The following P2RY2 variants were observed in gnomAD, a reference collection of about 807,000 sequenced individuals.
The protein encoded by P2RY2 is purinergic receptor P2Y2, also known as P2Y purinoceptor 2.
For missense variants in P2RY2, 567 were observed against 515.7 expected (o/e 1.10, Z -0.96); for synonymous variants, 241 against 231.9 (o/e 1.04, Z -0.35).
chr11:73,230,339 G>T (rs1264533822), intron 2 of P2RY2, among the ~76,000 whole-genome samples: 1 of 151,684 alleles, frequency 6.6e-6, no homozygotes, highest in Non-Finnish European at 1.5e-5. Context: ...CCCCTGCTTG[G>T]CTCTCAGTGT....
chr11:73,232,338 T>C (rs1461066206), intron 2 of P2RY2, among the ~76,000 whole-genome samples: 1 of 152,226 alleles, frequency 6.6e-6, no homozygotes, highest in Non-Finnish European at 1.5e-5. Context: ...TTACATGATC[T>C]GTATCTTAGC....
Position 73,240,683 on chromosome 11 carries a change from C to T in P2RY2, c.*5390C>T, listed in dbSNP as rs1348829545. ...GGCTCTTTGGCTGCTCCCACTGCCTCAGCCAACTTCATTAGCTCCAGTCTG... is the reference window on the plus strand; with the variant it reads ...GGCTCTTTGGCTGCTCCCACTGCCTTAGCCAACTTCATTAGCTCCAGTCTG... On this transcript the variant is annotated 3_prime_UTR_variant, in exon 3 of 3. Transcript: ENST00000393597. The T allele has an allele frequency of 6.6e-6, 1 of 152,224 alleles. No individual in the cohort carries two copies. Among genetic ancestry groups the T allele is most frequent in the Non-Finnish European group, 1.5e-5 (1 of 68,060 alleles). 9.4% of individuals were successfully genotyped at this position (152,224 alleles called of 1,614,324 possible).
chr11:73,234,850 G>C lies in P2RY2; in HGVS notation c.691G>C (p.Gly231Arg). Residue 231 changes from glycine (G) to arginine (R), a missense_variant, in exon 3 of 3, where the codon GGG becomes CGG. Physicochemically the swap from Gly to Arg is moderately radical, Grantham distance 125. Coordinates refer to ENST00000393597, the MANE Select transcript of P2RY2 (RefSeq NM_002564.4). ...MARRLLKPAY[G>R]TSGGLPRAKR... ...TCGGCGACTGCTAAAGCCAGCCTAC[G>C]GGACCTCGGGCGGCCTGCCTAGGGC... 3 of 1,610,664 alleles carry C rather than the reference G, an allele frequency of 1.9e-6. No individual in the cohort carries two copies. The highest frequency in any genetic ancestry group is 2.5e-6 in the Non-Finnish European group (3 of 1,179,954).
Position 73,235,324 on chromosome 11 carries a change from T to A in P2RY2, c.*31T>A. The A allele has an allele frequency of 6.6e-7, 1 of 1,519,106 alleles. No individual in the cohort carries two copies. The highest frequency in any genetic ancestry group is 2.3e-5 in the East Asian group (1 of 43,948). The allele number at this position is 1,519,106 out of a possible 1,614,324, so 94.1% of individuals were successfully genotyped here. On this transcript the variant is annotated 3_prime_UTR_variant, in exon 3 of 3. Transcript: ENST00000393597. The stretch of plus-strand genomic sequence containing the variant: ...GAACACTTCAGCCTGTGCAGGTTTA[T>A]ATTGGGAAGCTGTAGAGGACCAGGA...
intron 2 of P2RY2, among the ~76,000 whole-genome samples, chr11:73,231,427 C>T (rs990066396): frequency 5.3e-5 from 8 of 150,008 alleles, no homozygotes; most frequent in Admixed American, 5.3e-4. Context: ...TGAGGTGGCA[C>T]ACACCCGTAA....
Position 73,234,831 on chromosome 11 carries a change from A to G in P2RY2, c.672A>G (p.Arg224=). 6.2e-7 allele frequency: 1 copy of G among 1,611,232 alleles called. No homozygotes were observed. Among genetic ancestry groups the G allele is most frequent in the Non-Finnish European group, 8.5e-7 (1 of 1,179,952 alleles). The change falls in exon 3 of 3, where the codon CGA becomes CGG. Residue 224 remains arginine, a synonymous_variant. Coordinates refer to ENST00000393597, the MANE Select transcript of P2RY2 (RefSeq NM_002564.4). ...ILVCYVLMAR[R]LLKPAYGTSG... ...TCTGTTACGTGCTCATGGCTCGGCG[A>G]CTGCTAAAGCCAGCCTACGGGACCT... is the stretch of plus-strand genomic sequence containing the variant.
intron 2 of P2RY2, among the ~76,000 whole-genome samples, chr11:73,231,109 C>T (rs957595094): frequency 2.6e-5 from 4 of 152,144 alleles, no homozygotes; most frequent in Non-Finnish European, 4.4e-5. Flanking sequence ...AAGCATCTCC[C>T]GGCCTCCTCG....
rs199793856 is a variant in P2RY2 at position 73,234,440 on chromosome 11, C to A, written c.281C>A (p.Ala94Asp). ...ASLPLLVYYYARGDHWPFSTV... is the reference protein window; with the variant it reads ...ASLPLLVYYYDRGDHWPFSTV... Reference sequence around the variant, plus strand: ...CTGCCGCTGCTGGTCTATTACTACGCCCGCGGCGACCACTGGCCCTTCAGC... The same window carrying A: ...CTGCCGCTGCTGGTCTATTACTACGACCGCGGCGACCACTGGCCCTTCAGC... Residue 94 changes from alanine (A) to aspartate (D), a missense_variant, in exon 3 of 3, where the codon GCC becomes GAC. By Grantham distance (126) the Ala-to-Asp change is moderately radical. Transcript: ENST00000393597. The A allele has an allele frequency of 9.3e-6, 15 of 1,614,016 alleles. No individual in the cohort carries two copies. The highest frequency in any genetic ancestry group is 1.3e-5 in the Non-Finnish European group (15 of 1,180,046).
Position 73,236,218 on chromosome 11 carries a change from G to A in P2RY2, c.*925G>A, listed in dbSNP as rs577404770. On this transcript the variant is annotated 3_prime_UTR_variant, in exon 3 of 3. Transcript: ENST00000393597. Reference sequence around the variant, plus strand: ...TTAGGTGATGGCCAGTCATGTGCTGGTAAATGTTAAGCCATTTAACTGGAG... The same window carrying A: ...TTAGGTGATGGCCAGTCATGTGCTGATAAATGTTAAGCCATTTAACTGGAG... 2.7e-4 allele frequency: 265 copies of A among 993,478 alleles called. No homozygotes were observed. Among genetic ancestry groups the A allele is most frequent in the Non-Finnish European group, 3.1e-4 (258 of 823,950 alleles). The allele number at this position is 993,478 out of a possible 1,614,324, so 61.5% of individuals were successfully genotyped here.
Position 73,237,118 on chromosome 11 carries a change from T to C in P2RY2, c.*1825T>C, listed in dbSNP as rs1862672949. On this transcript the variant is annotated 3_prime_UTR_variant, in exon 3 of 3. Transcript: ENST00000393597. ...AGCGCCCTCATGTGACAGAGACCCA[T>C]CACAGACCATGACCCAAATGATTAC... 2.0e-6 allele frequency: 2 copies of C among 985,390 alleles called. No individual in the cohort carries two copies. The highest frequency in any genetic ancestry group is 1.2e-6 in the Non-Finnish European group (1 of 829,922). 61.0% of individuals were successfully genotyped at this position (985,390 alleles called of 1,614,324 possible).
In P2RY2 at chr11:73,234,372, T is replaced by C; in HGVS notation, c.213T>C (p.Tyr71=). The C allele has an allele frequency of 6.2e-7, 1 of 1,614,212 alleles. No individual in the cohort carries two copies. The highest frequency in any genetic ancestry group is 8.5e-7 in the Non-Finnish European group (1 of 1,180,028). Residue 71 remains tyrosine, a synonymous_variant, in exon 3 of 3, where the codon TAT becomes TAC. Coordinates refer to ENST00000393597, the MANE Select transcript of P2RY2 (RefSeq NM_002564.4). ...RLKTWNASTT[Y]MFHLAVSDAL... Reference sequence around the variant, plus strand: ...AGACCTGGAATGCGTCCACCACATATATGTTCCACCTGGCTGTGTCTGATG... The same window carrying C: ...AGACCTGGAATGCGTCCACCACATACATGTTCCACCTGGCTGTGTCTGATG...
At chr11:73,226,443 G>T (rs147117993) in intron 1 of P2RY2, among the ~76,000 whole-genome samples, 1 of 152,074 alleles carries the variant, frequency 6.6e-6, no homozygotes, top group Admixed American at 6.6e-5. Context: ...TTGTCAATCT[G>T]AGACCACCAG....
intron 1 of P2RY2, among the ~76,000 whole-genome samples, chr11:73,221,628 C>T (rs1862118197): frequency 6.6e-6 from 1 of 152,174 alleles, no homozygotes; most frequent in Admixed American, 6.5e-5. Context: ...ACCCAAACCG[C>T]CTCTCCCCAA....
chr11:73,231,602 G>C (rs947600861), intron 2 of P2RY2, among the ~76,000 whole-genome samples: 4 of 151,498 alleles, frequency 2.6e-5, no homozygotes, highest in African/African-American at 9.7e-5. Context: ...GAAATTGAAG[G>C]ATCTCTACAC....
In P2RY2 at chr11:73,239,668, C is replaced by A. The variant is rs140735792; in HGVS notation, c.*4375C>A. 2 of 152,380 alleles carry A rather than the reference C, an allele frequency of 1.3e-5. No homozygotes were observed. Among genetic ancestry groups the A allele is most frequent in the Non-Finnish European group, 2.9e-5 (2 of 68,078 alleles). The allele number at this position is 152,380 out of a possible 1,614,324, so 9.4% of individuals were successfully genotyped here. A position where few individuals can be genotyped will look rare whatever the true frequency, so the allele number is the denominator to read the frequency against. On this transcript the variant is annotated 3_prime_UTR_variant, in exon 3 of 3. Transcript: ENST00000393597. ...TTGCTGTGTGACCTGAGGTCACTTGCCTGCCTTCTCTGGACTGCACTGTAG... is the reference window on the plus strand; with the variant it reads ...TTGCTGTGTGACCTGAGGTCACTTGACTGCCTTCTCTGGACTGCACTGTAG...
rs147788443 is a variant in P2RY2 at position 73,230,206 on chromosome 11, G to C, written c.-5+2031G>C. Among the ~76,000 whole-genome samples the C allele has an allele frequency of 4.1e-4, 63 of 152,154 alleles. 1 individual carries two copies. In the East Asian group the frequency reaches 0.012, roughly 29 times the overall value. On this transcript the variant is annotated intron_variant, in intron 2 of 2. Coordinates refer to ENST00000393597, the MANE Select transcript of P2RY2 (RefSeq NM_002564.4). ...GCTCCAGACCTGAGGGACCCAGCCT[G>C]TGCCCATCCCCATACTTGCCATGGC...
In P2RY2 at chr11:73,234,873, G is replaced by A. The variant is rs1862586049; in HGVS notation, c.714G>A (p.Arg238=). 1.9e-6 allele frequency: 3 copies of A among 1,610,676 alleles called. No homozygotes were observed. The highest frequency in any genetic ancestry group is 1.6e-4 in the Middle Eastern group (1 of 6,062). ...PAYGTSGGLP[R]AKRKSVRTIA... ...ACGGGACCTCGGGCGGCCTGCCTAG[G>A]GCCAAGCGCAAGTCCGTGCGCACCA... Residue 238 remains arginine, a synonymous_variant, in exon 3 of 3, where the codon AGG becomes AGA. Transcript: ENST00000393597.
intron 1 of P2RY2, among the ~76,000 whole-genome samples, chr11:73,223,589 C>G (rs1300433791): frequency 1.3e-5 from 2 of 152,210 alleles, no homozygotes; most frequent in African/African-American, 2.4e-5. Flanking sequence ...ACTGAAGAAC[C>G]CGAGGCTCTG....
In P2RY2 at chr11:73,237,945, C is replaced by A. The variant is rs1400291660; in HGVS notation, c.*2652C>A. ...CTATTACCCTCCAATATTCCCTGCC[C>A]CCTTCACACCTCCCTAACCTGACAT... On this transcript the variant is annotated 3_prime_UTR_variant, in exon 3 of 3. Transcript: ENST00000393597. Among the ~76,000 whole-genome samples, 1 of 152,188 alleles carries A rather than the reference C, an allele frequency of 6.6e-6. No individual in the cohort carries two copies. The highest frequency in any genetic ancestry group is 1.5e-5 in the Non-Finnish European group (1 of 68,042).
Sources: allele counts gnomAD v4.1 joint callset (sites outside exome capture counted in the v4.1 genomes callset), GRCh38; gene constraint gnomAD v4.1.1; transcripts MANE v1.5; gene names NCBI Gene and HGNC (gene_info 2026-07-23, HGNC 2026-07-21).